FGD3: variants seen among roughly 807,000 people sequenced by gnomAD.
FGD3 encodes FYVE, RhoGEF and PH domain containing 3, also known as FYVE, RhoGEF and PH domain-containing protein 3.
In FGD3, 45 loss-of-function variants were observed where a neutral mutation model predicts 71.8. The ratio of observed to expected loss-of-function variants is 0.63; its 90% CI spans 0.49 to 0.80. FGD3 has a LOEUF of 0.80. FGD3 is among the 30% of genes least tolerant of loss of function. The pLI, the probability that FGD3 is intolerant of heterozygous loss-of-function variation, is 0.00. For missense variants in FGD3, 844 were observed against 951.5 expected (o/e 0.89, Z 1.49); for synonymous variants, 378 against 392.8 (o/e 0.96, Z 0.44).
At chr9:92,978,905 A>G (rs1859885898) in intron 3 of FGD3, among the ~76,000 whole-genome samples, 1 of 149,506 alleles carries the variant, frequency 6.7e-6, no homozygotes. Context: ...AGTTGTCAGG[A>G]TTATAGCTGT....
chr9:93,024,444 G>A (rs1006576250), intron 14 of FGD3, among the ~76,000 whole-genome samples: 1 of 152,256 alleles, frequency 6.6e-6, no homozygotes, highest in Non-Finnish European at 1.5e-5. Flanking sequence ...CTCACATAAG[G>A]TATGAACTTG....
intron 8 of FGD3, among the ~76,000 whole-genome samples, chr9:93,011,781 A>G (rs1156800185): frequency 1.6e-4 from 24 of 151,524 alleles, no homozygotes; most frequent in Admixed American, 4.6e-4. Flanking sequence ...GCTTGAACCT[A>G]GGAGGCAGAG....
At chr9:92,958,445 TTGA>T (rs1321035203) in intron 1 of FGD3, among the ~76,000 whole-genome samples, 3 of 152,226 alleles carry the variant, frequency 2.0e-5, no homozygotes, top group Admixed American at 6.5e-5. Flanking sequence ...TTTGTTACAA[TTGA>T]TGAACCTGCA....
rs375466458 is a variant in FGD3, at chr9:93,013,887, G to A, written c.1071G>A (p.Gln357=). 3 of 1,612,624 alleles carry A rather than the reference G, an allele frequency of 1.9e-6. No homozygotes were observed. Among genetic ancestry groups the A allele is most frequent in the Non-Finnish European group, 2.5e-6 (3 of 1,179,564 alleles). Residue 357 remains glutamine, a synonymous_variant, in exon 9 of 18, where the codon CAG becomes CAA. Transcript: ENST00000375482. ...KMHKLLEVYE[Q]LGGEEDIVNP... is the part of the protein sequence containing the mutation. Reference sequence around the variant, plus strand: ...ACAAGCTCTTGGAGGTGTACGAGCAGCTGGGTGGGGAAGAAGACATTGTCA... The same window carrying A: ...ACAAGCTCTTGGAGGTGTACGAGCAACTGGGTGGGGAAGAAGACATTGTCA...
chr9:92,990,983 A>G (rs1475269756), intron 3 of FGD3, among the ~76,000 whole-genome samples: 1 of 152,186 alleles, frequency 6.6e-6, no homozygotes, highest in East Asian at 1.9e-4. Flanking sequence ...GAATAGTTTG[A>G]TAATTGGTAT....
rs554477666 is a variant in FGD3, at chr9:92,975,905, C to T, written c.-49-303C>T. Among the ~76,000 whole-genome samples the T allele has an allele frequency of 2.0e-5, 3 of 152,316 alleles. No individual in the cohort carries two copies. In the East Asian group the frequency reaches 5.8e-4, roughly 29 times the overall value. Reference sequence around the variant, plus strand: ...TTTTGGTTATGGTCACTACCTTGAGCATCTATTTTGAATTTATTGAACAGC... The same window carrying T: ...TTTTGGTTATGGTCACTACCTTGAGTATCTATTTTGAATTTATTGAACAGC... On this transcript the variant is annotated intron_variant, in intron 2 of 17. Transcript: ENST00000375482.
Position 93,004,042 on chromosome 9 carries a change from A to C in FGD3, c.585A>C (p.Glu195Asp). Residue 195 changes from glutamate (E) to aspartate (D), a missense_variant, in exon 5 of 18, where the codon GAA becomes GAC. By Grantham distance (45) the Glu-to-Asp change is conservative. Coordinates refer to ENST00000375482, the MANE Select transcript of FGD3 (RefSeq NM_001083536.2). ...TGACGGATGCGGGGATCCCTCCAGA[A>C]GTCATCATGGGCATATTCTCTAACA... The part of the protein sequence containing the change: ...TRLTDAGIPP[E>D]VIMGIFSNIS... 1 of 1,614,190 alleles carries C rather than the reference A, an allele frequency of 6.2e-7. No homozygotes were observed. Among genetic ancestry groups the C allele is most frequent in the Non-Finnish European group, 8.5e-7 (1 of 1,180,034 alleles).
rs1859539738 is a variant in FGD3, at chr9:92,971,665, T to G, written c.-217-3573T>G. 2.3e-5 allele frequency among the ~76,000 whole-genome samples: 3 copies of G among 131,384 alleles called. No individual in the cohort carries two copies. In the Admixed American group the frequency reaches 2.6e-4, roughly 12 times the overall value. The allele number at this position is 131,384 out of a possible 152,430, so 86.2% of individuals were successfully genotyped here. ...ATCTCTGCTCACTGCAACCTCCGCC[T>G]CCAGGGTTCAAGCATTTCTCCTGCC... On this transcript the variant is annotated intron_variant, in intron 1 of 17. Coordinates refer to ENST00000375482, the MANE Select transcript of FGD3 (RefSeq NM_001083536.2).
At chr9:92,952,528 C>T (rs1041095725) in intron 1 of FGD3, among the ~76,000 whole-genome samples, 7 of 152,014 alleles carry the variant, frequency 4.6e-5, no homozygotes, top group Admixed American at 6.6e-5. Context: ...TGAGCCACCG[C>T]GCCCGGCCCG....
At chr9:93,030,144 C>T (rs1485121034) in intron 15 of FGD3, 148 bp downstream of exon 15, 1 of 875,546 alleles carries the variant, frequency 1.1e-6, no homozygotes, top group Non-Finnish European at 1.7e-6. Context: ...GATATAGATA[C>T]CCTTGAGTGC....
chr9:93,018,251 C>T (rs1224671899), intron 11 of FGD3, 36 bp downstream of exon 11: 1 of 1,555,172 alleles, frequency 6.4e-7, no homozygotes, highest in East Asian at 2.2e-5. Context: ...ATGTCTTTGA[C>T]CTCATGTCTT....
intron 1 of FGD3, among the ~76,000 whole-genome samples, chr9:92,960,913 G>C (rs1298720956): frequency 6.6e-6 from 1 of 151,916 alleles, no homozygotes; most frequent in Non-Finnish European, 1.5e-5. Flanking sequence ...CCTCCACCCA[G>C]GCCTCTCTCC....
chr9:92,951,598 C>T (rs1255663944), intron 1 of FGD3, among the ~76,000 whole-genome samples: 1 of 152,228 alleles, frequency 6.6e-6, no homozygotes, highest in East Asian at 1.9e-4. Context: ...ATTGCTTGAA[C>T]CCAGAGGTTG....
At chr9:93,022,083 A>G (rs1411384184) in intron 13 of FGD3, among the ~76,000 whole-genome samples, 1 of 152,186 alleles carries the variant, frequency 6.6e-6, no homozygotes, top group East Asian at 1.9e-4. Flanking sequence ...AGAGGGAGGC[A>G]TCACCCACCA....
At chr9:92,974,315 A>G (rs1432812258) in intron 1 of FGD3, among the ~76,000 whole-genome samples, 1 of 152,222 alleles carries the variant, frequency 6.6e-6, no homozygotes, top group Non-Finnish European at 1.5e-5. Context: ...CTCTTGTGCT[A>G]TGAGAAGAAT....
At chr9:92,972,452 CAAAAA>C (rs34573109) in intron 1 of FGD3, among the ~76,000 whole-genome samples, 1 of 63,170 alleles carries the variant, frequency 1.6e-5, no homozygotes, top group Non-Finnish European at 3.6e-5. Context: ...GACTCCATCT[CAAAAA>C]AAAAAAAAAA....
At chr9:92,979,874 A>G (rs1010238940) in intron 3 of FGD3, among the ~76,000 whole-genome samples, 4 of 150,330 alleles carry the variant, frequency 2.7e-5, no homozygotes, top group African/African-American at 9.8e-5. Context: ...TGTTCATAGT[A>G]TTCTCTTTTA....
intron 3 of FGD3, among the ~76,000 whole-genome samples, chr9:92,979,835 T>A (rs1210015672): frequency 6.6e-6 from 1 of 152,182 alleles, no homozygotes; most frequent in Non-Finnish European, 1.5e-5. Flanking sequence ...TCTTCCCAGG[T>A]TGTGTGTTTC....
rs778855039 is a variant in FGD3 at position 92,976,634 on chromosome 9, G to A, written c.378G>A (p.Ala126=). 1.5e-5 allele frequency: 24 copies of A among 1,612,706 alleles called. No homozygotes were observed. In the East Asian group the frequency reaches 2.0e-4, roughly 13 times the overall value. ...QVPKVTPQEE[A]DSDVGEEPDS... is the part of the protein sequence containing the mutation. ...CGAAGGTCACCCCCCAGGAGGAGGC[G>A]GACAGCGACGTGGGTGAGGAACCTG... is the stretch of plus-strand genomic sequence containing the variant. The change falls in exon 3 of 18, where the codon GCG becomes GCA. Residue 126 remains alanine (A), a synonymous_variant. Transcript: ENST00000375482.
Sources: gnomAD v4.1 joint callset for allele counts (sites outside exome capture counted in the v4.1 genomes callset) on GRCh38, gnomAD v4.1.1 for gene constraint, MANE v1.5 for transcripts, NCBI Gene and HGNC (gene_info 2026-07-23, HGNC 2026-07-21) for gene names.